Variants in ZSCAN2 observed in about 807,000 individuals in gnomAD.
ZSCAN2 encodes zinc finger and SCAN domain containing 2.
A neutral mutation model predicts 47.8 loss-of-function variants in ZSCAN2; 26 were observed. That is an observed-to-expected ratio of 0.54 (90% CI 0.40 to 0.75). ZSCAN2 has a LOEUF of 0.75. ZSCAN2 is among the 30% of genes least tolerant of loss of function. The pLI is 0.00. For synonymous variants in ZSCAN2, 305 were observed against 288.7 expected (o/e 1.06, Z -0.57); for missense variants, 732 against 785.4 (o/e 0.93, Z 0.81).
intron 2 of ZSCAN2, among the ~76,000 whole-genome samples, chr15:84,619,111 G>A (rs1428422874): frequency 6.6e-6 from 1 of 152,096 alleles, no homozygotes; most frequent in Non-Finnish European, 1.5e-5. Flanking sequence ...GGTTTAACAA[G>A]TTCCTGGAAG....
chr15:84,617,419 G>C (rs1285101156), intron 2 of ZSCAN2, among the ~76,000 whole-genome samples: 3 of 151,972 alleles, frequency 2.0e-5, no homozygotes, highest in African/African-American at 7.2e-5. Context: ...CTGGGTGACA[G>C]AGTGAGACTC....
intron 2 of ZSCAN2, among the ~76,000 whole-genome samples, chr15:84,613,493 G>A (rs1895610205): frequency 6.6e-6 from 1 of 151,364 alleles, no homozygotes; most frequent in South Asian, 2.1e-4. Flanking sequence ...GCTAATTTTT[G>A]TATGGGGTTT....
At position 84,604,197 on chromosome 15, in the gene ZSCAN2, A is replaced by G. The variant is rs149074721; in HGVS notation, c.270A>G (p.Pro90=). The G allele has an allele frequency of 1.2e-3, 1,982 of 1,613,890 alleles. 8 individuals are homozygous for G. The highest frequency in any genetic ancestry group is 2.0e-3 in the Admixed American group (121 of 59,984). Residue 90 remains proline (P), a synonymous_variant, in exon 2 of 3, where the codon CCA becomes CCG. Transcript: ENST00000546148. ...LRELCRRWLR[P]EVHTKEQMLT... The stretch of plus-strand genomic sequence containing the variant: ...AGCTCTGCCGGCGCTGGCTGAGACC[A>G]GAGGTACACACCAAGGAGCAGATGT...
Position 84,621,552 on chromosome 15 carries a change from A to C in ZSCAN2, c.1357A>C (p.Lys453Gln). ...GCCCTATAAGTGTGGGGTGTGTGGGAAGAGCTTCAGCCAGAGCTCCAGTCT... is the reference window on the plus strand; with the variant it reads ...GCCCTATAAGTGTGGGGTGTGTGGGCAGAGCTTCAGCCAGAGCTCCAGTCT... The part of the protein sequence containing the change: ...EKPYKCGVCG[K>Q]SFSQSSSLIA... The change falls in exon 3 of 3, where the codon AAG becomes CAG. Residue 453 changes from lysine to glutamine, a missense_variant. Around this residue, in one of 2 missense-constraint regions of ZSCAN2, gnomAD observed 412 missense variants for 498.0 expected, o/e 0.83. Coordinates refer to ENST00000546148, the MANE Select transcript of ZSCAN2 (RefSeq NM_181877.4). The surrounding 1 kb of genome is among the most constrained non-coding windows in gnomAD (Gnocchi z 5.7). 1 of 1,614,024 alleles carries C rather than the reference A, an allele frequency of 6.2e-7. No individual in the cohort carries two copies.
intron 2 of ZSCAN2, among the ~76,000 whole-genome samples, chr15:84,618,667 T>G (rs1726707449): frequency 6.6e-6 from 1 of 151,818 alleles, no homozygotes. Context: ...GTTCTAGTGA[T>G]TCTCCTGCCT....
At chr15:84,612,730 G>C (rs72750857) in intron 2 of ZSCAN2, among the ~76,000 whole-genome samples, 1 of 151,666 alleles carries the variant, frequency 6.6e-6, no homozygotes, top group Non-Finnish European at 1.5e-5. Context: ...GTGAGACTGC[G>C]TCTCAAAAGA....
intron 2 of ZSCAN2, among the ~76,000 whole-genome samples, chr15:84,613,477 C>T (rs1048664706): frequency 1.3e-5 from 2 of 151,910 alleles, no homozygotes; most frequent in African/African-American, 4.8e-5. Flanking sequence ...CCCGCCACCA[C>T]ACCCAGCTAA....
At chr15:84,612,484 G>A (rs1276875219) in intron 2 of ZSCAN2, among the ~76,000 whole-genome samples, 1 of 152,094 alleles carries the variant, frequency 6.6e-6, no homozygotes, top group Non-Finnish European at 1.5e-5. Flanking sequence ...CCTGTAATCC[G>A]AGCACTTTGG....
chr15:84,604,412 A>C, intron 2 of ZSCAN2, 79 bp downstream of exon 2: 1 of 1,513,758 alleles, frequency 6.6e-7, no homozygotes, highest in Non-Finnish European at 8.8e-7. Flanking sequence ...GAGGAGGAGA[A>C]GGTGGTGTCC....
intron 2 of ZSCAN2, among the ~76,000 whole-genome samples, chr15:84,605,860 A>T (rs1230896463): frequency 6.6e-6 from 1 of 152,224 alleles, no homozygotes; most frequent in South Asian, 2.1e-4. Context: ...AAGCCAGGAA[A>T]TATGCTTAGC....
At chr15:84,619,289 G>C (rs1182257652) in intron 2 of ZSCAN2, among the ~76,000 whole-genome samples, 1 of 152,136 alleles carries the variant, frequency 6.6e-6, no homozygotes, top group Admixed American at 6.5e-5. Context: ...AATTAGCCGG[G>C]TGTGGTGGTG....
At chr15:84,608,385 C>T (rs1027893805) in intron 2 of ZSCAN2, among the ~76,000 whole-genome samples, 3 of 151,868 alleles carry the variant, frequency 2.0e-5, no homozygotes, top group African/African-American at 7.3e-5. Context: ...CAAAAAAAAT[C>T]AGCCAGGCAT....
chr15:84,603,944 T>G lies in ZSCAN2; in HGVS notation c.17T>G (p.Ile6Ser), dbSNP rs182736722. The change falls in exon 2 of 3, where the codon ATC (isoleucine) becomes AGC (serine). Residue 6 changes from isoleucine to serine, a missense_variant. Physicochemically the swap from Ile to Ser is moderately radical, Grantham distance 142 (BLOSUM62 -2). Around this residue, in one of 2 missense-constraint regions of ZSCAN2, gnomAD observed 320 missense variants for 287.4 expected, o/e 1.11. Transcript: ENST00000546148. The stretch of plus-strand genomic sequence containing the variant: ...GGACTGTGGATGATGGCTGCAGACA[T>G]CCCGAGAGTGACCACTCCGCTGAGC... MMAAD[I>S]PRVTTPLSSL... The G allele has an allele frequency of 3.5e-5, 56 of 1,613,560 alleles. No homozygotes were observed. In the Middle Eastern group the frequency reaches 4.9e-4, roughly 14 times the overall value.
At chr15:84,613,093 T>G (rs1895599379) in intron 2 of ZSCAN2, among the ~76,000 whole-genome samples, 2 of 152,254 alleles carry the variant, frequency 1.3e-5, no homozygotes, top group African/African-American at 4.8e-5. Flanking sequence ...GCATCATTTA[T>G]TGTATGTTGT....
In ZSCAN2 at chr15:84,620,848, G is replaced by A. The variant is rs759390019; in HGVS notation, c.653G>A (p.Gly218Glu). The A allele has an allele frequency of 1.2e-6, 2 of 1,614,196 alleles. No individual in the cohort carries two copies. Among genetic ancestry groups the A allele is most frequent in the South Asian group, 2.2e-5 (2 of 91,088 alleles). ...QLIGLQGTYLGEKPYECPQCG... is the reference protein window; with the variant it reads ...QLIGLQGTYLEEKPYECPQCG... ...ATAGGCCTGCAGGGCACCTACCTAG[G>A]GGAGAAGCCCTACGAATGTCCCCAG... is the stretch of plus-strand genomic sequence containing the variant. Residue 218 changes from glycine to glutamate, a missense_variant, in exon 3 of 3, where the codon GGG becomes GAG. Gly to Glu is a moderately conservative substitution (Grantham distance 98, BLOSUM62 -2). Transcript: ENST00000546148.
rs891825612 is a variant in ZSCAN2, at chr15:84,623,328, G to A, written c.*1288G>A. 4.5e-5 allele frequency: 9 copies of A among 198,892 alleles called. No homozygotes were observed. The highest frequency in any genetic ancestry group is 3.8e-4 in the East Asian group (2 of 5,314). The allele number at this position is 198,892 out of a possible 1,614,324, so 12.3% of individuals were successfully genotyped here. A position where few individuals can be genotyped will look rare whatever the true frequency, so the allele number is the denominator to read the frequency against. On this transcript the variant is annotated 3_prime_UTR_variant, in exon 3 of 3. Coordinates refer to ENST00000546148, the MANE Select transcript of ZSCAN2 (RefSeq NM_181877.4). ...AGGATGGTTTCGATCTCCTGTCCTCGTGATCTGCCCGCCTTGGCCTCCCGA... is the reference window on the plus strand; with the variant it reads ...AGGATGGTTTCGATCTCCTGTCCTCATGATCTGCCCGCCTTGGCCTCCCGA...
Position 84,604,148 on chromosome 15 carries a change from A to C in ZSCAN2, c.221A>C (p.Gln74Pro), listed in dbSNP as rs776411941. Reference sequence around the variant, plus strand: ...CAGGAGGAGGTGACCAGGGGACCACAGGGTGCACTCGGCCGCCTCCGAGAG... The same window carrying C: ...CAGGAGGAGGTGACCAGGGGACCACCGGGTGCACTCGGCCGCCTCCGAGAG... ...GPQEEVTRGP[Q>P]GALGRLRELC... The change falls in exon 2 of 3, where the codon CAG (glutamine) becomes CCG (proline). Residue 74 changes from glutamine to proline, a missense_variant. Coordinates refer to ENST00000546148, the MANE Select transcript of ZSCAN2 (RefSeq NM_181877.4). 2 of 1,613,720 alleles carry C rather than the reference A, an allele frequency of 1.2e-6. No homozygotes were observed. The highest frequency in any genetic ancestry group is 1.7e-6 in the Non-Finnish European group (2 of 1,179,854).
chr15:84,616,695 C>T (rs1041814550), intron 2 of ZSCAN2: 1 of 1,046,044 alleles, frequency 9.6e-7, no homozygotes, highest in African/African-American at 1.7e-5. Context: ...CTAATGTTAC[C>T]TATTCAATTA....
rs1204347570 is a variant in ZSCAN2 at position 84,622,771 on chromosome 15, G to C, written c.*731G>C. On this transcript the variant is annotated 3_prime_UTR_variant, in exon 3 of 3. Coordinates refer to ENST00000546148, the MANE Select transcript of ZSCAN2 (RefSeq NM_181877.4). ...GTAAACCGAGGACATTTCAGTGCTT[G>C]CTTTTGTCTCTGCCTACTGTCCTGT... The C allele has an allele frequency of 1.4e-6, 1 of 693,640 alleles. No individual in the cohort carries two copies. The highest frequency in any genetic ancestry group is 2.7e-5 in the East Asian group (1 of 37,014). 43.0% of individuals were successfully genotyped at this position (693,640 alleles called of 1,614,324 possible). A position where few individuals can be genotyped will look rare whatever the true frequency, so the allele number is the denominator to read the frequency against.
Sources: allele counts gnomAD v4.1 joint callset (sites outside exome capture counted in the v4.1 genomes callset), GRCh38; gene constraint gnomAD v4.1.1; regional missense constraint gnomAD v4.1.1; non-coding constraint Gnocchi (gnomAD v3.1); transcripts MANE v1.5; gene names NCBI Gene and HGNC (gene_info 2026-07-23, HGNC 2026-07-21).